Variants in CTPS1 observed in about 807,000 individuals in gnomAD.
CTPS1 encodes CTP synthetase 1.
A neutral mutation model predicts 80.5 loss-of-function variants in CTPS1; 25 were observed. The observed-to-expected ratio is 0.31, with a 90% CI of 0.23 to 0.43. The LOEUF (loss-of-function observed/expected upper bound fraction) is 0.43, where lower values mean the gene tolerates loss of function less well. CTPS1 is among the 20% of genes least tolerant of loss of function. The probability of loss-of-function intolerance (pLI) is 1.00; values close to 1 mark genes in which losing one functional copy is unlikely to be tolerated. For synonymous variants in CTPS1, 267 were observed against 252.5 expected (o/e 1.06, Z -0.54); for missense variants, 442 against 725.7 (o/e 0.61, Z 4.49).
At position 41,009,477 on chromosome 1, in the gene CTPS1, C is replaced by A; in HGVS notation, c.1579C>A (p.Pro527Thr). Residue 527 changes from proline (P) to threonine (T), a missense_variant, in exon 17 of 19, where the codon CCT (proline) becomes ACT (threonine). By Grantham distance (38) the Pro-to-Thr change is conservative (BLOSUM62 -1). This residue lies in a region of CTPS1 where 321 missense variants were observed against 467.2 expected (regional missense o/e 0.69). Coordinates refer to ENST00000650070, the MANE Select transcript of CTPS1 (RefSeq NM_001905.4). Reference protein sequence around the residue: ...HPFFVGVQYHPEFLSRPIKPS... With the variant: ...HPFFVGVQYHTEFLSRPIKPS... ...CTTTTTTGTTGGGGTTCAGTACCAC[C>A]CTGAGTTCCTGTCCAGGCCTATCAA... is the stretch of plus-strand genomic sequence containing the variant. 2 of 1,608,164 alleles carry A rather than the reference C, an allele frequency of 1.2e-6. No homozygotes were observed. Among genetic ancestry groups the A allele is most frequent in the Non-Finnish European group, 1.7e-6 (2 of 1,178,038 alleles).
chr1:40,986,040 A>T (rs1365561165), intron 3 of CTPS1, among the ~76,000 whole-genome samples: 1 of 152,256 alleles, frequency 6.6e-6, no homozygotes, highest in Non-Finnish European at 1.5e-5. Context: ...TTGAATGCTC[A>T]CTGCAGTCAG....
At chr1:40,998,446 C>G (rs1642817645) in intron 9 of CTPS1, among the ~76,000 whole-genome samples, 3 of 148,846 alleles carry the variant, frequency 2.0e-5, no homozygotes, top group Admixed American at 6.7e-5. Flanking sequence ...GCCCGGTGAC[C>G]AGGGCTCAGA....
At chr1:40,993,069 A>G (rs948725820) in intron 7 of CTPS1, among the ~76,000 whole-genome samples, 11 of 150,938 alleles carry the variant, frequency 7.3e-5, no homozygotes, top group African/African-American at 2.7e-4. Context: ...TTTTTTTTTG[A>G]GATGGAGTTT....
chr1:40,988,746 A>T (rs757603656), intron 5 of CTPS1, 36 bp downstream of exon 5: 1 of 1,394,526 alleles, frequency 7.2e-7, no homozygotes, highest in Admixed American at 1.7e-5. Flanking sequence ...TTTGGGGGAG[A>T]TGGAGAGGAG....
chr1:40,997,314 TC>T, intron 8 of CTPS1, 79 bp from the exon 9 acceptor site: 2 of 1,515,720 alleles, frequency 1.3e-6, no homozygotes, highest in Non-Finnish European at 1.8e-6. Context: ...TGGTTTTTTT[TC>T]CCTTGAAATA....
chr1:40,989,675 G>A (rs746752646), intron 5 of CTPS1, among the ~76,000 whole-genome samples: 10 of 152,012 alleles, frequency 6.6e-5, no homozygotes, highest in Non-Finnish European at 1.3e-4. Context: ...GAACTGAGGC[G>A]CTACAAGCAG....
Position 41,012,271 on chromosome 1 carries a change from C to T in CTPS1, c.*623C>T, listed in dbSNP as rs1444558253. ...GAAGCGTGATTTTAAAATCCCCATG[C>T]CTGTGGCTGCGCTTCCTATTTCTAG... On this transcript the variant is annotated 3_prime_UTR_variant, in exon 19 of 19. Coordinates refer to ENST00000650070, the MANE Select transcript of CTPS1 (RefSeq NM_001905.4). The T allele has an allele frequency of 1.3e-5, 2 of 152,126 alleles. No homozygotes were observed. The highest frequency in any genetic ancestry group is 4.8e-5 in the African/African-American group (2 of 41,416). 9.4% of individuals were successfully genotyped at this position (152,126 alleles called of 1,614,324 possible). A position where few individuals can be genotyped will look rare whatever the true frequency, so the allele number is the denominator to read the frequency against.
chr1:40,997,678 C>T (rs966436385), intron 9 of CTPS1, 152 bp downstream of exon 9: 80 of 1,007,344 alleles, frequency 7.9e-5, no homozygotes, highest in Non-Finnish European at 9.8e-5. Context: ...GTGGTTGCTT[C>T]GTGGCTTTGA....
Position 41,001,058 on chromosome 1 carries a change from C to G in CTPS1, c.1035C>G (p.Ile345Met). 1 of 1,612,506 alleles carries G rather than the reference C, an allele frequency of 6.2e-7. No homozygotes were observed. The highest frequency in any genetic ancestry group is 8.5e-7 in the Non-Finnish European group (1 of 1,179,434). Residue 345 changes from isoleucine (I) to methionine (M), a missense_variant, in exon 10 of 19, where the codon ATC (isoleucine) becomes ATG (methionine). Ile to Met is a conservative substitution (Grantham distance 10, BLOSUM62 1). This residue lies in a region of CTPS1 where 321 missense variants were observed against 467.2 expected (regional missense o/e 0.69). Coordinates refer to ENST00000650070, the MANE Select transcript of CTPS1 (RefSeq NM_001905.4). ...KYIDSADLEP[I>M]TSQEEPVRYH... ...TAGATTCTGCGGACTTGGAGCCCAT[C>G]ACCTCGCAAGAAGAGCCCGTGCGCT...
chr1:40,992,344 GGT>G (rs367847542), intron 7 of CTPS1, among the ~76,000 whole-genome samples: 4 of 151,314 alleles, frequency 2.6e-5, no homozygotes, highest in South Asian at 2.1e-4. Flanking sequence ...CCATCTTTCT[GGT>G]GTGTGTGTGT....
intron 16 of CTPS1, among the ~76,000 whole-genome samples, chr1:41,009,158 C>T (rs1285520156): frequency 6.6e-6 from 1 of 152,156 alleles, no homozygotes; most frequent in Admixed American, 6.5e-5. Context: ...GCCACTTCAG[C>T]CCTCTCCTGA....
chr1:40,993,372 C>T (rs948432852), intron 7 of CTPS1, among the ~76,000 whole-genome samples: 5 of 151,582 alleles, frequency 3.3e-5, no homozygotes, highest in Non-Finnish European at 5.9e-5. Flanking sequence ...TTTTAAGAGA[C>T]AAGGTCTTGC....
intron 2 of CTPS1, among the ~76,000 whole-genome samples, chr1:40,983,698 C>T (rs1192623288): frequency 6.6e-6 from 1 of 151,112 alleles, no homozygotes. Flanking sequence ...TCATGGCTCG[C>T]TGCAGCTTCC....
intron 5 of CTPS1, among the ~76,000 whole-genome samples, chr1:40,990,956 G>A (rs1188298053): frequency 6.6e-6 from 1 of 152,116 alleles, no homozygotes; most frequent in Non-Finnish European, 1.5e-5. Flanking sequence ...AGGGGAGAGT[G>A]GGTGAGGGCC....
chr1:41,008,032 C>T (rs764890129), intron 14 of CTPS1, among the ~76,000 whole-genome samples: 1 of 152,166 alleles, frequency 6.6e-6, no homozygotes, highest in Non-Finnish European at 1.5e-5. Flanking sequence ...TGGGAAAATT[C>T]TGCCTTTACT....
rs114152084 is a variant in CTPS1 at position 40,985,313 on chromosome 1, C to T, written c.337+322C>T. Among the ~76,000 whole-genome samples the T allele has an allele frequency of 4.6e-3, 701 of 152,270 alleles. 7 individuals carry two copies. Among genetic ancestry groups the T allele is most frequent in the African/African-American group, 0.016 (675 of 41,540 alleles). On this transcript the variant is annotated intron_variant, in intron 3 of 18. Coordinates refer to ENST00000650070, the MANE Select transcript of CTPS1 (RefSeq NM_001905.4). ...GAGTGTGAAAGTGGTAAAGGCAACTCGATTAGGGCATTAAGCCAGATGGCA... is the reference window on the plus strand; with the variant it reads ...GAGTGTGAAAGTGGTAAAGGCAACTTGATTAGGGCATTAAGCCAGATGGCA...
intron 8 of CTPS1, chr1:40,997,101 C>T (rs896754751): frequency 2.4e-5 from 7 of 291,662 alleles, no homozygotes; most frequent in African/African-American, 6.6e-5. Context: ...TAGCTATTCC[C>T]GTTATATTCT....
At chr1:41,011,157 C>T (rs1643162682) in intron 18 of CTPS1, among the ~76,000 whole-genome samples, 1 of 152,166 alleles carries the variant, frequency 6.6e-6, no homozygotes, top group African/African-American at 2.4e-5. Context: ...TGGTTGACCC[C>T]CTGTCCTGGC....
chr1:41,007,403 G>C lies in CTPS1; in HGVS notation c.1297-46G>C, dbSNP rs754159519. On this transcript the variant is annotated intron_variant, in intron 13 of 18. Coordinates refer to ENST00000650070, the MANE Select transcript of CTPS1 (RefSeq NM_001905.4). The surrounding 1 kb of genome is among the most constrained non-coding windows in gnomAD (Gnocchi z 4.4). Reference sequence around the variant, plus strand: ...TCAGCGAGGGAGGTTTCTCTCTAGCGGAAGCAGAGTTCTGTAGTTGGTGTC... The same window carrying C: ...TCAGCGAGGGAGGTTTCTCTCTAGCCGAAGCAGAGTTCTGTAGTTGGTGTC... The C allele has an allele frequency of 5.8e-6, 9 of 1,558,480 alleles. No individual in the cohort carries two copies. The highest frequency in any genetic ancestry group is 7.1e-6 in the Non-Finnish European group (8 of 1,130,938).
Sources: allele counts gnomAD v4.1 joint callset (sites outside exome capture counted in the v4.1 genomes callset), GRCh38; gene constraint gnomAD v4.1.1; regional missense constraint gnomAD v4.1.1; non-coding constraint Gnocchi (gnomAD v3.1); transcripts MANE v1.5; gene names NCBI Gene and HGNC (gene_info 2026-07-23, HGNC 2026-07-21).